The following FAM135B variants were observed in gnomAD, a reference collection of about 807,000 sequenced individuals.
FAM135B encodes family with sequence similarity 135 member B.
A neutral mutation model predicts 127.7 loss-of-function variants in FAM135B; 43 were observed. That is an observed-to-expected ratio of 0.34 (90% confidence interval 0.26 to 0.43). The LOEUF is 0.43. FAM135B is among the 20% of genes least tolerant of loss of function. The probability of loss-of-function intolerance (pLI) is 1.00; values close to 1 mark genes in which losing one functional copy is unlikely to be tolerated. For synonymous variants in FAM135B, 670 were observed against 665.1 expected (o/e 1.01, Z -0.11); for missense variants, 1,558 against 1,725.6 (o/e 0.90, Z 1.72).
intron 1 of FAM135B, among the ~76,000 whole-genome samples, chr8:138,431,256 C>T (rs1835173711): frequency 6.6e-6 from 1 of 152,184 alleles, no homozygotes; most frequent in African/African-American, 2.4e-5. Context: ...AAAGAGAAAA[C>T]ATGCCCCTGC....
At chr8:138,337,236 T>C (rs1191415928) in intron 2 of FAM135B, among the ~76,000 whole-genome samples, 2 of 151,172 alleles carry the variant, frequency 1.3e-5, no homozygotes, top group African/African-American at 4.9e-5. Context: ...CTATTCAACA[T>C]AGTGTTGGAA....
intron 5 of FAM135B, 34 bp downstream of exon 5, chr8:138,256,655 G>T (rs1017536236): frequency 1.3e-6 from 2 of 1,570,542 alleles, no homozygotes; most frequent in Non-Finnish European, 1.8e-6. Flanking sequence ...AGAGCACTGT[G>T]CTACTACAAT....
At chr8:138,333,573 T>C (rs1828339380) in intron 2 of FAM135B, among the ~76,000 whole-genome samples, 1 of 152,136 alleles carries the variant, frequency 6.6e-6, no homozygotes, top group Admixed American at 6.5e-5. Flanking sequence ...TAATACCACA[T>C]CACCACTGCT....
At chr8:138,455,864 G>A (rs1836746186) in intron 1 of FAM135B, among the ~76,000 whole-genome samples, 1 of 152,102 alleles carries the variant, frequency 6.6e-6, no homozygotes, top group African/African-American at 2.4e-5. Flanking sequence ...TACTGGATTG[G>A]TTTGGAAGGC....
intron 2 of FAM135B, among the ~76,000 whole-genome samples, chr8:138,352,306 T>C (rs1369523397): frequency 1.3e-5 from 2 of 152,206 alleles, no homozygotes; most frequent in Admixed American, 6.5e-5. Flanking sequence ...GTGATGTGTA[T>C]CCCAATTACT....
At chr8:138,419,712 CA>C (rs1307615646) in intron 1 of FAM135B, among the ~76,000 whole-genome samples, 1 of 152,122 alleles carries the variant, frequency 6.6e-6, no homozygotes, top group Non-Finnish European at 1.5e-5. Context: ...CAAAACCATG[CA>C]ATTACATGGA....
At chr8:138,349,737 TG>T (rs1425084533) in intron 2 of FAM135B, among the ~76,000 whole-genome samples, 1 of 152,142 alleles carries the variant, frequency 6.6e-6, no homozygotes, top group African/African-American at 2.4e-5. Context: ...GAGGTAGTTT[TG>T]TGGCTCATAC....
At chr8:138,354,148 T>A (rs1829943358) in intron 2 of FAM135B, among the ~76,000 whole-genome samples, 2 of 152,122 alleles carry the variant, frequency 1.3e-5, no homozygotes, top group Admixed American at 6.6e-5. Flanking sequence ...TTGATTCTAA[T>A]GTGTCATTTC....
chr8:138,335,769 A>G (rs1396164841), intron 2 of FAM135B, among the ~76,000 whole-genome samples: 1 of 152,232 alleles, frequency 6.6e-6, no homozygotes, highest in African/African-American at 2.4e-5. Flanking sequence ...ATAGACATCT[A>G]CAGAACTCTC....
intron 2 of FAM135B, among the ~76,000 whole-genome samples, chr8:138,359,911 G>C (rs529168372): frequency 6.6e-6 from 1 of 152,120 alleles, no homozygotes; most frequent in Non-Finnish European, 1.5e-5. Context: ...AGGTGAGTAC[G>C]TTCAAAGGAG....
chr8:138,391,403 G>C (rs1832568613), intron 1 of FAM135B, among the ~76,000 whole-genome samples: 1 of 151,872 alleles, frequency 6.6e-6, no homozygotes, highest in Non-Finnish European at 1.5e-5. Context: ...TCACCTCCCA[G>C]CTTCTCCATC....
At chr8:138,377,070 C>T (rs1234005957) in intron 1 of FAM135B, among the ~76,000 whole-genome samples, 1 of 152,098 alleles carries the variant, frequency 6.6e-6, no homozygotes, top group Non-Finnish European at 1.5e-5. Context: ...AATTCCAATA[C>T]CTCATTAGAT....
intron 3 of FAM135B, among the ~76,000 whole-genome samples, chr8:138,272,371 C>T (rs1291169589): frequency 1.3e-5 from 2 of 152,076 alleles, no homozygotes; most frequent in African/African-American, 4.8e-5. Context: ...TGTGATAGTT[C>T]TAATATCCAG....
At chr8:138,267,588 A>T (rs1823039359) in intron 3 of FAM135B, among the ~76,000 whole-genome samples, 1 of 149,944 alleles carries the variant, frequency 6.7e-6, no homozygotes, top group African/African-American at 2.5e-5. Context: ...AAAAAAAAAC[A>T]GCCCAACTAG....
At chr8:138,156,952 C>A (rs1417222730) in intron 12 of FAM135B, among the ~76,000 whole-genome samples, 1 of 152,132 alleles carries the variant, frequency 6.6e-6, no homozygotes, top group Non-Finnish European at 1.5e-5. Context: ...TTTATGAGGC[C>A]AGCATCATCC....
At chr8:138,181,919 C>T (rs1160142072) in intron 9 of FAM135B, among the ~76,000 whole-genome samples, 1 of 152,124 alleles carries the variant, frequency 6.6e-6, no homozygotes, top group Admixed American at 6.5e-5. Context: ...TGAGCTTCAG[C>T]CTTCTCACTA....
chr8:138,410,753 T>G (rs1036637327), intron 1 of FAM135B, among the ~76,000 whole-genome samples: 11 of 152,104 alleles, frequency 7.2e-5, no homozygotes, highest in African/African-American at 2.4e-4. Flanking sequence ...AAAACAGAAC[T>G]ACCATTCTAC....
At chr8:138,221,803 C>T (rs1256935278) in intron 7 of FAM135B, among the ~76,000 whole-genome samples, 2 of 152,202 alleles carry the variant, frequency 1.3e-5, no homozygotes, top group African/African-American at 4.8e-5. Flanking sequence ...AACTTAACCA[C>T]ATCCAATTAC....
chr8:138,224,036 CG>C (rs370662602), intron 7 of FAM135B, among the ~76,000 whole-genome samples: 5 of 150,190 alleles, frequency 3.3e-5, no homozygotes, highest in Non-Finnish European at 7.4e-5. Context: ...TACTAGAGGA[CG>C]GGGGTGGGGG....
Sources: gnomAD v4.1 joint callset for allele counts (sites outside exome capture counted in the v4.1 genomes callset) on GRCh38, gnomAD v4.1.1 for gene constraint, MANE v1.5 for transcripts, NCBI Gene and HGNC (gene_info 2026-07-23, HGNC 2026-07-21) for gene names.